Variants in BBS5 observed in about 807,000 individuals in gnomAD.
BBS5 encodes Bardet-Biedl syndrome 5, also known as BBSome complex member BBS5.
In BBS5, 39 loss-of-function variants were observed where a neutral mutation model predicts 50.2. The observed-to-expected ratio is 0.78, with a 90% CI of 0.60 to 1.01. BBS5 has a LOEUF of 1.01. Among genes scored for constraint, BBS5 ranks in the 50% least tolerant of loss-of-function variants. BBS5 has a pLI of 0.00. For missense variants in BBS5, 356 were observed against 401.5 expected, an observed-to-expected ratio of 0.89 and a Z score of 0.97; for synonymous variants, 134 against 133.1, an observed-to-expected ratio of 1.01 and a Z score of -0.05.
At chr2:169,487,889 T>G in intron 4 of BBS5, 34 bp downstream of exon 4, 1 of 1,575,154 alleles carries the variant, frequency 6.3e-7, no homozygotes, top group Non-Finnish European at 8.7e-7. Flanking sequence ...AATATATATA[T>G]AGTAAAGAAA....
intron 7 of BBS5, 109 bp downstream of exon 7, chr2:169,493,945 C>T: frequency 2.9e-6 from 2 of 698,728 alleles, no homozygotes; most frequent in African/African-American, 1.8e-5. Flanking sequence ...TAAGTGGTAG[C>T]AGTTATTAGC....
intron 5 of BBS5, among the ~76,000 whole-genome samples, chr2:169,490,231 C>T (rs1201375693): frequency 3.8e-5 from 4 of 105,942 alleles, no homozygotes; most frequent in Middle Eastern, 0.014. Flanking sequence ...CTCACTTTGT[C>T]GCCCAGGCTG....
At chr2:169,503,887 C>T (rs7587839) in intron 10 of BBS5, among the ~76,000 whole-genome samples, 7,088 of 152,288 alleles carry the variant, frequency 0.047, 188 homozygotes, top group East Asian at 0.11. Flanking sequence ...CTGTATGCAT[C>T]TGCTGACACA....
At chr2:169,479,791 T>C (rs921445758) in intron 1 of BBS5, among the ~76,000 whole-genome samples, 179 bp downstream of exon 1, 2 of 152,218 alleles carry the variant, frequency 1.3e-5, no homozygotes, top group Admixed American at 1.3e-4. Context: ...TGTGGCCCTC[T>C]CGAGGCCGGC....
intron 1 of BBS5, among the ~76,000 whole-genome samples, chr2:169,479,927 G>A (rs1195485465): frequency 6.6e-6 from 1 of 152,248 alleles, no homozygotes; most frequent in East Asian, 1.9e-4. Context: ...CCGGGGCTTA[G>A]CGTCCCGTAT....
intron 9 of BBS5, among the ~76,000 whole-genome samples, chr2:169,501,607 G>T (rs996483446): frequency 1.3e-5 from 2 of 152,012 alleles, no homozygotes; most frequent in Non-Finnish European, 2.9e-5. Flanking sequence ...ACCAGGTGTG[G>T]TGGTGCCGGC....
At chr2:169,497,883 G>C (rs1049899900) in intron 8 of BBS5, among the ~76,000 whole-genome samples, 194 bp downstream of exon 8, 2 of 152,004 alleles carry the variant, frequency 1.3e-5, no homozygotes, top group African/African-American at 4.8e-5. Flanking sequence ...TTTTTTTGTT[G>C]GACAGACATG....
At chr2:169,494,110 A>C (rs539988554) in intron 7 of BBS5, among the ~76,000 whole-genome samples, 5 of 152,322 alleles carry the variant, frequency 3.3e-5, no homozygotes, top group African/African-American at 1.2e-4. Flanking sequence ...AGTAATACAG[A>C]GTAAGGTGTC....
chr2:169,504,047 C>A (rs1683857176), intron 10 of BBS5, among the ~76,000 whole-genome samples: 1 of 151,862 alleles, frequency 6.6e-6, no homozygotes, highest in African/African-American at 2.4e-5. Context: ...TCTTTTTTAT[C>A]TCCTTTCAAG....
chr2:169,480,268 G>T (rs73971619), intron 1 of BBS5, among the ~76,000 whole-genome samples: 2 of 152,166 alleles, frequency 1.3e-5, no homozygotes, highest in African/African-American at 4.8e-5. Context: ...TTTTTGGAAA[G>T]TATCGTAAAG....
intron 2 of BBS5, 118 bp from the exon 3 acceptor site, chr2:169,486,951 G>A (rs949909473): frequency 1.3e-6 from 1 of 764,544 alleles, no homozygotes; most frequent in Non-Finnish European, 2.4e-6. Context: ...GTTAATATAT[G>A]AAAAATATCT....
At chr2:169,482,495 G>T in intron 2 of BBS5, 162 bp downstream of exon 2, 1 of 624,914 alleles carries the variant, frequency 1.6e-6, no homozygotes. Context: ...ACAGAAGACA[G>T]GATAGGTATT....
In BBS5 at chr2:169,487,999, CA is replaced by C; in HGVS notation, c.274del (p.Thr92LeufsTer7). 6.2e-7 allele frequency: 1 copy of C among 1,613,614 alleles called. No homozygotes were observed. Among genetic ancestry groups the C allele is most frequent in the South Asian group, 1.1e-5 (1 of 91,006 alleles). ...TTTGTCCTTACAGAAATTACGAGGC[CA>C]AACTGAAGCTCTCTATATACTAACA... ...TRTANSKLRG[Q>X]TEALYILTKC... On this transcript the variant is annotated frameshift_variant, in exon 5 of 12. Coordinates refer to ENST00000295240, the MANE Select transcript of BBS5 (RefSeq NM_152384.3). LOFTEE classifies it high-confidence loss of function.
At chr2:169,485,543 C>A (rs1683474635) in intron 2 of BBS5, among the ~76,000 whole-genome samples, 1 of 152,132 alleles carries the variant, frequency 6.6e-6, no homozygotes, top group African/African-American at 2.4e-5. Context: ...AATCCTAAAC[C>A]CCACCCCCAA....
chr2:169,505,341 G>A lies in BBS5; in HGVS notation c.*759G>A, dbSNP rs1000939174. On this transcript the variant is annotated 3_prime_UTR_variant, in exon 12 of 12. Coordinates refer to ENST00000295240, the MANE Select transcript of BBS5 (RefSeq NM_152384.3). ...TCCCAGCTGCCTGCCTTGGCCTCCC[G>A]AAGTGCCAAGAGTGCAGCCTCTGCC... 14 of 365,558 alleles carry A rather than the reference G, an allele frequency of 3.8e-5. No individual in the cohort carries two copies. The highest frequency in any genetic ancestry group is 1.5e-4 in the East Asian group (2 of 13,178). The allele number at this position is 365,558 out of a possible 1,614,324, so 22.6% of individuals were successfully genotyped here. A position where few individuals can be genotyped will look rare whatever the true frequency, so the allele number is the denominator to read the frequency against.
At chr2:169,479,720 G>A (rs1683354490) in intron 1 of BBS5, 108 bp downstream of exon 1, 1 of 1,245,288 alleles carries the variant, frequency 8.0e-7, no homozygotes, top group South Asian at 1.3e-5. Flanking sequence ...CGGCCCTGGT[G>A]AGGGTGGGAG....
chr2:169,504,496 CCTGTATTTTCAGAAGAA>C lies in BBS5; in HGVS notation c.944_960del (p.Val315GlyfsTer59), dbSNP rs1285925896. 1 of 1,613,828 alleles carries C rather than the reference CCTGTATTTTCAGAAGAA, an allele frequency of 6.2e-7. No individual in the cohort carries two copies. The highest frequency in any genetic ancestry group is 1.7e-5 in the Admixed American group (1 of 60,000). On this transcript the variant is annotated frameshift_variant, in exon 12 of 12. Transcript: ENST00000295240. LOFTEE classifies it high-confidence loss of function. Reference sequence around the variant, plus strand: ...TCCCAAAAAGCAACAAGATCGTGAACCTGTATTTTCAGAAGAACTGGGGCTTGCAATAGAGAAATTGA... The same window carrying C: ...TCCCAAAAAGCAACAAGATCGTGAACCTGGGGCTTGCAATAGAGAAATTGA...
chr2:169,493,811 A>AT lies in BBS5; in HGVS notation c.594dup (p.Val199CysfsTer14). 6.2e-7 allele frequency: 1 copy of AT among 1,606,644 alleles called. No individual in the cohort carries two copies. Reference sequence around the variant, plus strand: ...CATGCAAATATGAATGATAGTTTTAATGTCAGTATACCATATCTGCAAATT... The same window carrying AT: ...CATGCAAATATGAATGATAGTTTTAATTGTCAGTATACCATATCTGCAAATT... On this transcript the variant is annotated frameshift_variant, in exon 7 of 12. Transcript: ENST00000295240. LOFTEE classifies it high-confidence loss of function.
intron 2 of BBS5, among the ~76,000 whole-genome samples, chr2:169,484,123 C>G (rs990949682): frequency 2.0e-5 from 3 of 152,216 alleles, no homozygotes; most frequent in African/African-American, 7.2e-5. Context: ...TGGCTCTTGC[C>G]TATAATTCCA....
Sources: gnomAD v4.1 joint callset for allele counts (sites outside exome capture counted in the v4.1 genomes callset) on GRCh38, gnomAD v4.1.1 for gene constraint, MANE v1.5 for transcripts, NCBI Gene and HGNC (gene_info 2026-07-23, HGNC 2026-07-21) for gene names.